PM20D2: variants seen among roughly 807,000 people sequenced by gnomAD.
PM20D2 encodes the protein xaa-Arg dipeptidase.
A neutral mutation model predicts 42.9 loss-of-function variants in PM20D2; 33 were observed. The observed-to-expected ratio is 0.77, with a 90% CI of 0.58 to 1.03. PM20D2 has a LOEUF of 1.03. Among genes scored for constraint, PM20D2 ranks in the 50% least tolerant of loss-of-function variants. The pLI is 0.00. For missense variants in PM20D2, 548 were observed against 557.0 expected (o/e 0.98, Z 0.16); for synonymous variants, 250 against 228.2 (o/e 1.10, Z -0.86).
chr6:89,094,236 T>G, the PM20D2 span, among the ~76,000 whole-genome samples: 1 of 150,096 alleles, frequency 6.7e-6, no homozygotes, highest in Admixed American at 6.7e-5. Context: ...TTTTTTTTTA[T>G]TTTTTGAGAC....
chr6:89,128,613 G>A, the PM20D2 span, among the ~76,000 whole-genome samples: 10 of 152,138 alleles, frequency 6.6e-5, no homozygotes, highest in Non-Finnish European at 1.0e-4. Context: ...TTTGAAGCAT[G>A]TGATCTTTGT....
At position 89,165,243 on chromosome 6, in the gene PM20D2, T is replaced by G. The variant is rs546629400; in HGVS notation, c.*2980T>G. 6.6e-6 allele frequency: 1 copy of G among 152,290 alleles called. No homozygotes were observed. The highest frequency in any genetic ancestry group is 2.1e-4 in the South Asian group (1 of 4,832). 9.4% of individuals were successfully genotyped at this position (152,290 alleles called of 1,614,324 possible). A position where few individuals can be genotyped will look rare whatever the true frequency, so the allele number is the denominator to read the frequency against. On this transcript the variant is annotated 3_prime_UTR_variant, in exon 7 of 7. Transcript: ENST00000275072. Reference sequence around the variant, plus strand: ...TTTCTAACTTTTTACCTGAGTTATCTCTTTAGTCTTTTGGAAAATACCCTA... The same window carrying G: ...TTTCTAACTTTTTACCTGAGTTATCGCTTTAGTCTTTTGGAAAATACCCTA...
rs139972256 is a variant in PM20D2 at position 89,162,338 on chromosome 6, C to T, written c.*75C>T. The T allele has an allele frequency of 3.8e-4, 529 of 1,409,546 alleles. 1 individual carries two copies. In the African/African-American group the frequency reaches 7.0e-3, roughly 19 times the overall value. 87.3% of individuals were successfully genotyped at this position (1,409,546 alleles called of 1,614,324 possible). ...TTTAATCTCTTTTAATGAAGGCATG[C>T]TTGTTTTTTAATCTTAAAGGAGTAA... On this transcript the variant is annotated 3_prime_UTR_variant, in exon 7 of 7. Coordinates refer to ENST00000275072, the MANE Select transcript of PM20D2 (RefSeq NM_001010853.3).
Position 89,163,735 on chromosome 6 carries a change from G to A in PM20D2, c.*1472G>A, listed in dbSNP as rs1771322553. The stretch of plus-strand genomic sequence containing the variant: ...GAATTAGTTTCTAAACTAAACTAGA[G>A]GTATAGGTGGACCTGCTTGAGGTAT... On this transcript the variant is annotated 3_prime_UTR_variant, in exon 7 of 7. Coordinates refer to ENST00000275072, the MANE Select transcript of PM20D2 (RefSeq NM_001010853.3). 1 of 152,102 alleles carries A rather than the reference G, an allele frequency of 6.6e-6. No individual in the cohort carries two copies. Among genetic ancestry groups the A allele is most frequent in the Non-Finnish European group, 1.5e-5 (1 of 68,030 alleles). The allele number at this position is 152,102 out of a possible 1,614,324, so 9.4% of individuals were successfully genotyped here. A position where few individuals can be genotyped will look rare whatever the true frequency, so the allele number is the denominator to read the frequency against.
the PM20D2 span, among the ~76,000 whole-genome samples, chr6:89,114,854 T>C: frequency 6.6e-6 from 1 of 152,270 alleles, no homozygotes; most frequent in East Asian, 1.9e-4. Flanking sequence ...TGGAGTGCAA[T>C]GGTACTATCT....
chr6:89,120,415 C>T, the PM20D2 span, among the ~76,000 whole-genome samples: 7 of 152,194 alleles, frequency 4.6e-5, no homozygotes, highest in South Asian at 1.5e-3. Context: ...TTTTTGGGGG[C>T]CGCCATTCAA....
the PM20D2 span, among the ~76,000 whole-genome samples, chr6:89,138,446 G>A: frequency 6.6e-6 from 1 of 152,018 alleles, no homozygotes; most frequent in South Asian, 2.1e-4. Flanking sequence ...TTTCTGAAAT[G>A]GTAATAAAAA....
In PM20D2 at chr6:89,146,623, CG is replaced by C; in HGVS notation, c.465+17del. ...CCGCCCGTGAAGGTGAGGTGGGGCC[CG>C]GGTGCGGGACCCTATCCGACTGCCC... On this transcript the variant is annotated intron_variant, in intron 1 of 6. Coordinates refer to ENST00000275072, the MANE Select transcript of PM20D2 (RefSeq NM_001010853.3). 1 of 1,410,562 alleles carries C rather than the reference CG, an allele frequency of 7.1e-7. No homozygotes were observed. 87.4% of individuals were successfully genotyped at this position (1,410,562 alleles called of 1,614,324 possible).
chr6:89,141,335 AC>A (rs1279901495), upstream of PM20D2, among the ~76,000 whole-genome samples: 2 of 151,972 alleles, frequency 1.3e-5, no homozygotes, highest in African/African-American at 2.4e-5. Context: ...GAATCCTTGG[AC>A]TTTGCAAGAG....
intron 5 of PM20D2, among the ~76,000 whole-genome samples, chr6:89,159,009 G>C (rs948277523): frequency 2.6e-5 from 4 of 152,156 alleles, no homozygotes; most frequent in Admixed American, 2.0e-4. Context: ...TGAAAATGGG[G>C]TGTCGGTGTC....
At chr6:89,099,406 A>ATATATATGTGTG in the PM20D2 span, among the ~76,000 whole-genome samples, 1 of 86,776 alleles carries the variant, frequency 1.2e-5, no homozygotes, top group African/African-American at 4.4e-5. Context: ...CTCTCTCCAT[A>ATATATATGTGTG]TATATATACA....
the PM20D2 span, among the ~76,000 whole-genome samples, chr6:89,132,326 A>G: frequency 4.4e-4 from 64 of 144,908 alleles, no homozygotes; most frequent in Non-Finnish European, 7.4e-4. Flanking sequence ...GCCAAGCCAC[A>G]TTCATTCACC....
At chr6:89,097,800 T>C in the PM20D2 span, 1 of 152,232 alleles carries the variant, frequency 6.6e-6, no homozygotes, top group Non-Finnish European at 1.5e-5. Flanking sequence ...TATGATTTTA[T>C]ACAAAATGTA....
At chr6:89,126,421 C>T in the PM20D2 span, among the ~76,000 whole-genome samples, 1 of 151,680 alleles carries the variant, frequency 6.6e-6, no homozygotes, top group Non-Finnish European at 1.5e-5. Context: ...CATGGTGGCT[C>T]ACGCCTGTAA....
intron 1 of PM20D2, among the ~76,000 whole-genome samples, 157 bp from the exon 2 acceptor site, chr6:89,149,108 T>C (rs1322050000): frequency 6.6e-6 from 1 of 152,262 alleles, no homozygotes; most frequent in Non-Finnish European, 1.5e-5. Flanking sequence ...TTTAGCACCA[T>C]TTGTTGATGC....
chr6:89,155,459 T>G (rs962731634), intron 4 of PM20D2, among the ~76,000 whole-genome samples: 1 of 151,380 alleles, frequency 6.6e-6, no homozygotes, highest in Non-Finnish European at 1.5e-5. Context: ...GGCTAATTTT[T>G]TGTATGTTTT....
chr6:89,105,712 C>A, the PM20D2 span: 1 of 408,402 alleles, frequency 2.4e-6, no homozygotes, highest in Non-Finnish European at 4.3e-6. Context: ...AACAAATGAC[C>A]CATTATGTTT....
At chr6:89,144,259 C>T (rs1374054475), upstream of PM20D2, among the ~76,000 whole-genome samples, 1 of 144,808 alleles carries the variant, frequency 6.9e-6, no homozygotes, top group Non-Finnish European at 1.5e-5. Flanking sequence ...TCCTGCAAAG[C>T]AATATAAATA....
intron 2 of PM20D2, among the ~76,000 whole-genome samples, 187 bp from the exon 3 acceptor site, chr6:89,152,856 T>G (rs898006587): frequency 6.6e-6 from 1 of 152,200 alleles, no homozygotes; most frequent in Non-Finnish European, 1.5e-5. Flanking sequence ...TCAAGCACTA[T>G]GTTACCTAAT....
Sources: gnomAD v4.1 joint callset for allele counts (sites outside exome capture counted in the v4.1 genomes callset) on GRCh38, gnomAD v4.1.1 for gene constraint, MANE v1.5 for transcripts, NCBI Gene and HGNC (gene_info 2026-07-23, HGNC 2026-07-21) for gene names.